TCF7: variants seen among roughly 807,000 people sequenced by gnomAD.
TCF7 encodes the protein T-cell-factor-7.
In TCF7, 19 loss-of-function variants were observed where a neutral mutation model predicts 46.8. The ratio of observed to expected loss-of-function variants is 0.41; its 90% CI spans 0.28 to 0.60. TCF7 has a LOEUF of 0.60. Ranked by LOEUF, TCF7 falls within the 20% of genes least tolerant of loss-of-function variation. The pLI, the probability that TCF7 is intolerant of heterozygous loss-of-function variation, is 0.35. For synonymous variants in TCF7, 245 were observed against 213.4 expected (o/e 1.15, Z -1.29); for missense variants, 547 against 504.6 (o/e 1.08, Z -0.81).
At position 134,139,014 on chromosome 5, in the gene TCF7, G is replaced by T. The variant is rs1374528304; in HGVS notation, c.611G>T (p.Gly204Val). 2 of 1,613,766 alleles carry T rather than the reference G, an allele frequency of 1.2e-6. No homozygotes were observed. The highest frequency in any genetic ancestry group is 1.7e-6 in the Non-Finnish European group (2 of 1,180,016). Residue 204 changes from glycine to valine, a missense_variant, in exon 5 of 10, where the codon GGG (glycine) becomes GTG (valine). By Grantham distance (109) the Gly-to-Val change is moderately radical. Around this residue, in one of 3 missense-constraint regions of TCF7, gnomAD observed 425 missense variants for 349.9 expected, o/e 1.21. Transcript: ENST00000342854. ...GFYSLTSGSMGQLPHTVSWFT... is the reference protein window; with the variant it reads ...GFYSLTSGSMVQLPHTVSWFT... ...TACTCCCTGACCTCAGGCAGCATGG[G>T]GCAGCTCCCCCACACTGTGAGCTGG...
At chr5:134,145,756 G>A in intron 9 of TCF7, 1 of 1,613,968 alleles carries the variant, frequency 6.2e-7, no homozygotes, top group Non-Finnish European at 8.5e-7. Flanking sequence ...AACTGGCCCA[G>A]AGAACTCAAG....
chr5:134,141,993 A>C (rs1759859231), intron 5 of TCF7, 192 bp from the exon 6 acceptor site: 2 of 608,840 alleles, frequency 3.3e-6, no homozygotes, highest in Non-Finnish European at 5.2e-6. Context: ...AGATTTTTGC[A>C]GTGTGTCTGT....
Position 134,146,672 on chromosome 5 carries a change from C to G in TCF7, c.*369C>G. ...GAGGCTGCAGGACTTCTGCCTGAAC[C>G]TGGGGTCATCGATTCAAACTGCTCC... On this transcript the variant is annotated 3_prime_UTR_variant, in exon 10 of 10. Transcript: ENST00000342854. 1.6e-6 allele frequency: 1 copy of G among 634,728 alleles called. No homozygotes were observed. The highest frequency in any genetic ancestry group is 1.8e-5 in the South Asian group (1 of 54,492). The allele number at this position is 634,728 out of a possible 1,614,324, so 39.3% of individuals were successfully genotyped here.
upstream of TCF7, among the ~76,000 whole-genome samples, chr5:134,110,174 G>T (rs1024086566): frequency 6.6e-6 from 1 of 152,192 alleles, no homozygotes; most frequent in African/African-American, 2.4e-5. Flanking sequence ...CTCATAATTT[G>T]CCCATCACCT....
intron 9 of TCF7, chr5:134,144,690 CTA>C (rs1760413412): frequency 2.4e-6 from 2 of 827,446 alleles, no homozygotes; most frequent in African/African-American, 3.3e-5. Context: ...TGTAGGGTGT[CTA>C]TAACTGGCTA....
rs1760206226 is a variant in TCF7 at position 134,143,542 on chromosome 5, C to T, written c.1027-50C>T. ...AAGCTAGGCAGCAGGCTGTGGGTAT[C>T]CCAATGTCTGCCTCCCAGATCTGAG... On this transcript the variant is annotated intron_variant, in intron 8 of 9. Coordinates refer to ENST00000342854, the MANE Select transcript of TCF7 (RefSeq NM_003202.5). 3 of 1,612,422 alleles carry T rather than the reference C, an allele frequency of 1.9e-6. No individual in the cohort carries two copies. The Admixed American group carries it at 5.0e-5, about 27-fold the overall frequency.
chr5:134,115,071 C>T lies in TCF7; in HGVS notation c.165C>T (p.Leu55=), dbSNP rs1478936027. The change falls in exon 1 of 10, where the codon CTC becomes CTT. Residue 55 remains leucine, a synonymous_variant. Coordinates refer to ENST00000342854, the MANE Select transcript of TCF7 (RefSeq NM_003202.5). ...ERDLAELKSS[L]VNESEGAAGG... is the part of the protein sequence containing the mutation. ...ACCTGGCCGAGCTCAAGTCGTCGCT[C>T]GTGAACGAGTCCGAGGGCGCGGCCG... 3.4e-6 allele frequency: 4 copies of T among 1,168,756 alleles called. No homozygotes were observed. Among genetic ancestry groups the T allele is most frequent in the Admixed American group, 6.3e-5 (2 of 31,744 alleles). The allele number at this position is 1,168,756 out of a possible 1,614,324, so 72.4% of individuals were successfully genotyped here.
chr5:134,122,241 C>G (rs574439357), intron 3 of TCF7, among the ~76,000 whole-genome samples: 1 of 152,020 alleles, frequency 6.6e-6, no homozygotes, highest in South Asian at 2.1e-4. Flanking sequence ...GAGGGATGGC[C>G]GGGAATTTAG....
At position 134,148,081 on chromosome 5, in the gene TCF7, C is replaced by T. The variant is rs1580918329; in HGVS notation, c.*1778C>T. On this transcript the variant is annotated 3_prime_UTR_variant, in exon 10 of 10. Transcript: ENST00000342854. Reference sequence around the variant, plus strand: ...CTGGTTTCTCAGAATCCAAAGATCACATATTCTAGTGTAACACTGCAAGAA... The same window carrying T: ...CTGGTTTCTCAGAATCCAAAGATCATATATTCTAGTGTAACACTGCAAGAA... The T allele has an allele frequency of 2.0e-5, 3 of 151,708 alleles. No individual in the cohort carries two copies. The East Asian group carries it at 5.8e-4, about 30-fold the overall frequency. The allele number at this position is 151,708 out of a possible 1,614,324, so 9.4% of individuals were successfully genotyped here.
intron 5 of TCF7, chr5:134,140,760 A>C: frequency 2.2e-6 from 1 of 455,444 alleles, no homozygotes. Flanking sequence ...TCTGGCCAGC[A>C]GCCAGACTGC....
chr5:134,126,099 C>T (rs1455304674), intron 3 of TCF7, among the ~76,000 whole-genome samples: 2 of 152,270 alleles, frequency 1.3e-5, no homozygotes, highest in Non-Finnish European at 2.9e-5. Context: ...GGCTCTGTGG[C>T]TGGCGTGGTG....
At chr5:134,142,447 G>T in intron 6 of TCF7, 143 bp downstream of exon 6, 1 of 982,620 alleles carries the variant, frequency 1.0e-6, no homozygotes. Context: ...AGTAGGAGGG[G>T]GTGGGTGGGA....
rs1391094370 is a variant in TCF7 at position 134,116,157 on chromosome 5, C to T, written c.441+124C>T. 28 of 1,440,258 alleles carry T rather than the reference C, an allele frequency of 1.9e-5. No individual in the cohort carries two copies. In the Admixed American group the frequency reaches 6.9e-4, roughly 36 times the overall value. The allele number at this position is 1,440,258 out of a possible 1,614,324, so 89.2% of individuals were successfully genotyped here. A position where few individuals can be genotyped will look rare whatever the true frequency, so the allele number is the denominator to read the frequency against. On this transcript the variant is annotated intron_variant, in intron 3 of 9. Coordinates refer to ENST00000342854, the MANE Select transcript of TCF7 (RefSeq NM_003202.5). ...CGAGACTCCTGTGCTGGTCTTTTCTCCCATACACACCCGGTGGGATCTGAA... is the reference window on the plus strand; with the variant it reads ...CGAGACTCCTGTGCTGGTCTTTTCTTCCATACACACCCGGTGGGATCTGAA...
At chr5:134,120,963 C>G (rs1279973538) in intron 3 of TCF7, among the ~76,000 whole-genome samples, 1 of 152,200 alleles carries the variant, frequency 6.6e-6, no homozygotes, top group African/African-American at 2.4e-5. Context: ...AACCCTTGTC[C>G]CTTGCTGGCC....
chr5:134,120,054 A>G (rs1369881508), intron 3 of TCF7, among the ~76,000 whole-genome samples: 1 of 152,130 alleles, frequency 6.6e-6, no homozygotes. Context: ...GCTGTCACTG[A>G]GGTGTCCCGG....
chr5:134,144,744 GCTGCCTGCTCGCCCT>G, intron 9 of TCF7: 1 of 1,409,416 alleles, frequency 7.1e-7, no homozygotes, highest in Non-Finnish European at 1.0e-6. Context: ...GCTCTGCCCC[GCTGCCTGCTCGCCCT>G]CTGCCCTGCT....
intron 4 of TCF7, chr5:134,138,517 G>C (rs533231648): frequency 3.4e-6 from 1 of 293,356 alleles, no homozygotes; most frequent in East Asian, 6.4e-5. Context: ...CTCAGCCTCA[G>C]GCAAAGTCAT....
rs1393042830 is a variant in TCF7 at position 134,118,658 on chromosome 5, T to G, written c.441+2625T>G. 2.0e-5 allele frequency among the ~76,000 whole-genome samples: 3 copies of G among 152,158 alleles called. No homozygotes were observed. The East Asian group carries it at 5.8e-4, about 29-fold the overall frequency. On this transcript the variant is annotated intron_variant, in intron 3 of 9. Coordinates refer to ENST00000342854, the MANE Select transcript of TCF7 (RefSeq NM_003202.5). ...GTAGTTGGCTTCTTTTAAGCTTGTT[T>G]GAGGAAGAAAAAATTAGGTCAAAGT...
intron 8 of TCF7, 106 bp downstream of exon 8, chr5:134,143,206 A>C: frequency 1.6e-6 from 2 of 1,271,616 alleles, no homozygotes; most frequent in Non-Finnish European, 2.2e-6. Context: ...TCCTGAAGGC[A>C]CCGATGAGGA....
Sources: allele counts gnomAD v4.1 joint callset (sites outside exome capture counted in the v4.1 genomes callset), GRCh38; gene constraint gnomAD v4.1.1; regional missense constraint gnomAD v4.1.1; transcripts MANE v1.5; gene names NCBI Gene and HGNC (gene_info 2026-07-23, HGNC 2026-07-21).